The following PRR16 variants were observed in gnomAD, a reference collection of about 807,000 sequenced individuals.
PRR16 encodes the protein protein Largen.
A neutral mutation model predicts 18.2 loss-of-function variants in PRR16; 6 were observed. The ratio of observed to expected loss-of-function variants is 0.33; its 90% CI spans 0.18 to 0.65. PRR16 has a LOEUF of 0.65. PRR16 is among the 30% of genes least tolerant of loss of function. PRR16 has a pLI of 0.74. For missense variants in PRR16, 412 were observed against 376.6 expected, an observed-to-expected ratio of 1.09 and a Z score of -0.78; for synonymous variants, 151 against 147.8, an observed-to-expected ratio of 1.02 and a Z score of -0.16.
At chr5:120,746,418 A>G in the PRR16 span, among the ~76,000 whole-genome samples, 131 of 57,012 alleles carry the variant, frequency 2.3e-3, 2 homozygotes, top group African/African-American at 7.5e-3. Context: ...TGGAGTTACA[A>G]GAGGAACTCA....
intron 1 of PRR16, among the ~76,000 whole-genome samples, chr5:120,582,504 G>T (rs537905824): frequency 1.3e-5 from 2 of 151,558 alleles, no homozygotes; most frequent in South Asian, 2.1e-4. Context: ...ATAGAATAAG[G>T]AAATAAATTT....
intron 1 of PRR16, among the ~76,000 whole-genome samples, chr5:120,603,714 A>C (rs1035429258): frequency 1.3e-5 from 2 of 151,978 alleles, no homozygotes; most frequent in Non-Finnish European, 2.9e-5. Context: ...TTTCCTCATA[A>C]CACTGCTTTA....
chr5:120,566,491 G>A (rs934034806), intron 1 of PRR16, among the ~76,000 whole-genome samples: 1 of 152,092 alleles, frequency 6.6e-6, no homozygotes, highest in Admixed American at 6.5e-5. Context: ...TTTGGTGTTT[G>A]TGTTTACCAA....
intron 1 of PRR16, among the ~76,000 whole-genome samples, chr5:120,500,315 T>C (rs1750404351): frequency 6.6e-6 from 1 of 152,200 alleles, no homozygotes; most frequent in African/African-American, 2.4e-5. Context: ...CCATCTCTTT[T>C]TTTTGGCTGG....
chr5:120,540,222 G>T (rs1470352196), intron 1 of PRR16, among the ~76,000 whole-genome samples: 1 of 152,006 alleles, frequency 6.6e-6, no homozygotes, highest in Non-Finnish European at 1.5e-5. Context: ...CTCCCTTCAG[G>T]CCAGGACACA....
chr5:120,580,984 T>G (rs1428093611), intron 1 of PRR16, among the ~76,000 whole-genome samples: 1 of 152,162 alleles, frequency 6.6e-6, no homozygotes, highest in East Asian at 1.9e-4. Context: ...CCTGAAGTAT[T>G]TTGTGTGTGT....
chr5:120,704,828 A>G, the PRR16 span, among the ~76,000 whole-genome samples: 1 of 152,222 alleles, frequency 6.6e-6, no homozygotes, highest in Non-Finnish European at 1.5e-5. Flanking sequence ...GACAGTATAT[A>G]GTCAGTACTT....
chr5:120,582,697 G>T (rs1524568), intron 1 of PRR16, among the ~76,000 whole-genome samples: 1 of 151,454 alleles, frequency 6.6e-6, no homozygotes, highest in Admixed American at 6.6e-5. Flanking sequence ...AATTTCTTTC[G>T]TAATAGTAAT....
In PRR16 at chr5:120,571,428, G is replaced by T. The variant is rs80231397; in HGVS notation, c.159+106783G>T. Among the ~76,000 whole-genome samples, 1,274 of 152,238 alleles carry T rather than the reference G, an allele frequency of 8.4e-3. 17 individuals carry two copies. Among genetic ancestry groups the T allele is most frequent in the African/African-American group, 0.029 (1,208 of 41,550 alleles). On this transcript the variant is annotated intron_variant, in intron 1 of 1. Coordinates refer to ENST00000407149, the MANE Select transcript of PRR16 (RefSeq NM_001300783.2). ...AGTGGAGTGAGTACAATAAATAATG[G>T]TAAGATATAAGGTCAGAACATTAGA...
intron 1 of PRR16, among the ~76,000 whole-genome samples, chr5:120,614,443 T>A (rs17428430): frequency 0.015 from 2,331 of 152,348 alleles, 24 homozygotes; most frequent in Non-Finnish European, 0.025. Flanking sequence ...TTTCTGTTAT[T>A]TTCCAATGGC....
chr5:120,482,920 C>T (rs1749667199), intron 1 of PRR16, among the ~76,000 whole-genome samples: 2 of 152,262 alleles, frequency 1.3e-5, no homozygotes, highest in South Asian at 4.1e-4. Flanking sequence ...TTTTCAGTGT[C>T]TGAACAACTG....
intron 1 of PRR16, among the ~76,000 whole-genome samples, chr5:120,479,982 AT>A (rs1482134923): frequency 2.0e-5 from 3 of 152,240 alleles, no homozygotes; most frequent in African/African-American, 7.2e-5. Context: ...TGCTATAATG[AT>A]TAATTCATTT....
chr5:120,751,329 GT>G, the PRR16 span, among the ~76,000 whole-genome samples: 1 of 152,050 alleles, frequency 6.6e-6, no homozygotes. Flanking sequence ...TCTATGTTTA[GT>G]TTTTTTGAGA....
chr5:120,700,015 G>A, the PRR16 span, among the ~76,000 whole-genome samples: 4 of 152,302 alleles, frequency 2.6e-5, no homozygotes, highest in South Asian at 8.3e-4. Flanking sequence ...CAGTCCTAGT[G>A]AAAGCGAAGA....
chr5:120,761,768 G>A, the PRR16 span, among the ~76,000 whole-genome samples: 1 of 151,914 alleles, frequency 6.6e-6, no homozygotes, highest in Non-Finnish European at 1.5e-5. Context: ...ATATATTGTT[G>A]TTAACAATAC....
the PRR16 span, among the ~76,000 whole-genome samples, chr5:120,692,693 T>C: frequency 6.6e-6 from 1 of 152,296 alleles, no homozygotes; most frequent in East Asian, 1.9e-4. Context: ...GAAGACTTTG[T>C]TTTCTTTTTA....
intron 1 of PRR16, among the ~76,000 whole-genome samples, chr5:120,495,404 A>C (rs965776806): frequency 1.3e-5 from 2 of 152,144 alleles, no homozygotes; most frequent in Non-Finnish European, 2.9e-5. Flanking sequence ...GAAGTTTCAT[A>C]TATAAAATGG....
intron 1 of PRR16, among the ~76,000 whole-genome samples, chr5:120,469,770 T>C (rs1481192809): frequency 2.6e-5 from 4 of 152,208 alleles, no homozygotes; most frequent in Non-Finnish European, 4.4e-5. Context: ...GCTAAAATGC[T>C]CTGAAATTTT....
chr5:120,522,852 G>A (rs756855630), intron 1 of PRR16, among the ~76,000 whole-genome samples: 2 of 152,014 alleles, frequency 1.3e-5, no homozygotes, highest in Non-Finnish European at 2.9e-5. Flanking sequence ...TCCTGACCTC[G>A]TGATCCACCT....
Sources: allele counts gnomAD v4.1 joint callset (sites outside exome capture counted in the v4.1 genomes callset), GRCh38; gene constraint gnomAD v4.1.1; transcripts MANE v1.5; gene names NCBI Gene and HGNC (gene_info 2026-07-23, HGNC 2026-07-21).